The following PPARGC1A variants were observed in gnomAD, a reference collection of about 807,000 sequenced individuals.
The protein encoded by PPARGC1A is peroxisome proliferator-activated receptor gamma coactivator 1-alpha.
In PPARGC1A, 25 loss-of-function variants were observed where a neutral mutation model predicts 88.7. That is an observed-to-expected ratio of 0.28 (90% CI 0.21 to 0.39). The LOEUF (loss-of-function observed/expected upper bound fraction) is 0.39, where lower values mean the gene tolerates loss of function less well. Ranked by LOEUF, PPARGC1A falls within the 10% of genes least tolerant of loss-of-function variation. The pLI, the probability that PPARGC1A is intolerant of heterozygous loss-of-function variation, is 1.00. For missense variants in PPARGC1A, 880 were observed against 968.7 expected, an observed-to-expected ratio of 0.91 and a Z score of 1.22; for synonymous variants, 363 against 355.6, an observed-to-expected ratio of 1.02 and a Z score of -0.24.
chr4:23,910,885 C>G, the PPARGC1A span, among the ~76,000 whole-genome samples: 1 of 152,062 alleles, frequency 6.6e-6, no homozygotes, highest in African/African-American at 2.4e-5. Context: ...ATGTAACATG[C>G]AGGAAGGGTG....
At chr4:23,942,787 A>G in the PPARGC1A span, among the ~76,000 whole-genome samples, 866 of 152,234 alleles carry the variant, frequency 5.7e-3, 46 homozygotes, top group East Asian at 0.093. Context: ...TACATAAACA[A>G]TTTCTGTTTG....
the PPARGC1A span, among the ~76,000 whole-genome samples, chr4:23,931,816 T>C: frequency 2.6e-5 from 4 of 152,172 alleles, no homozygotes; most frequent in Non-Finnish European, 5.9e-5. Flanking sequence ...TGGGAAGCCA[T>C]GGAAGTTATG....
chr4:23,802,349 T>TG lies in PPARGC1A; in HGVS notation c.2020-5dup. The TG allele has an allele frequency of 1.9e-6, 3 of 1,613,686 alleles. No homozygotes were observed. Among genetic ancestry groups the TG allele is most frequent in the Admixed American group, 1.7e-5 (1 of 59,960 alleles). The stretch of plus-strand genomic sequence containing the variant: ...CATAAATCACACGGCGCTCTTCCTA[T>TG]GGGGGGAAGGAAGGAGAGAGTTCTG... On this transcript the variant is annotated splice_region_variant and splice_polypyrimidine_tract_variant and intron_variant, in intron 10 of 12. Transcript: ENST00000264867.
At chr4:24,385,085 T>G in the PPARGC1A span, among the ~76,000 whole-genome samples, 1 of 152,062 alleles carries the variant, frequency 6.6e-6, no homozygotes. Flanking sequence ...ATTAAGAAAC[T>G]CACCGAAAAC....
chr4:24,370,206 CA>C, the PPARGC1A span, among the ~76,000 whole-genome samples: 1 of 151,666 alleles, frequency 6.6e-6, no homozygotes, highest in African/African-American at 2.4e-5. Flanking sequence ...AAAATGGTAA[CA>C]AAATTTTTTC....
chr4:23,996,080 C>T, the PPARGC1A span, among the ~76,000 whole-genome samples: 30 of 152,090 alleles, frequency 2.0e-4, no homozygotes, highest in Admixed American at 3.3e-4. Context: ...AGTGAAAGGG[C>T]AATTCTTAGT....
the PPARGC1A span, among the ~76,000 whole-genome samples, chr4:24,331,971 T>A: frequency 4.6e-5 from 7 of 152,042 alleles, no homozygotes; most frequent in Middle Eastern, 6.8e-3. Context: ...TGTGTGACGT[T>A]CCCCTCCCTG....
At chr4:24,137,419 G>A in the PPARGC1A span, among the ~76,000 whole-genome samples, 1 of 152,120 alleles carries the variant, frequency 6.6e-6, no homozygotes, top group Non-Finnish European at 1.5e-5. Flanking sequence ...CTAAGACAGG[G>A]CATTAGGAAT....
At chr4:23,921,357 T>C in the PPARGC1A span, among the ~76,000 whole-genome samples, 1 of 152,180 alleles carries the variant, frequency 6.6e-6, no homozygotes, top group African/African-American at 2.4e-5. Context: ...CCGGAGAAAG[T>C]CTACCACAAA....
chr4:24,336,524 G>T, the PPARGC1A span, among the ~76,000 whole-genome samples: 2 of 152,202 alleles, frequency 1.3e-5, no homozygotes, highest in Middle Eastern at 3.4e-3. Context: ...AAATGTGTAT[G>T]CCTTTTATCC....
At chr4:24,381,867 G>A in the PPARGC1A span, among the ~76,000 whole-genome samples, 1 of 152,188 alleles carries the variant, frequency 6.6e-6, no homozygotes, top group African/African-American at 2.4e-5. Context: ...AGTTGAAGAA[G>A]TTTAGAAAGA....
At chr4:24,387,756 GAGAGAGAGAGAGAAAGAAAGAA>G in the PPARGC1A span, among the ~76,000 whole-genome samples, 1 of 77,934 alleles carries the variant, frequency 1.3e-5, no homozygotes, top group African/African-American at 5.4e-5. Context: ...AAGAGAGAGA[GAGAGAGAGAGAGAAAGAAAGAA>G]AGAAAGAAAG....
At chr4:24,384,583 G>T in the PPARGC1A span, among the ~76,000 whole-genome samples, 2 of 149,264 alleles carry the variant, frequency 1.3e-5, no homozygotes, top group East Asian at 3.9e-4. Context: ...AAAAAGCAAG[G>T]GTTGCAATCC....
chr4:24,161,959 TATACACACACACACAC>T, the PPARGC1A span, among the ~76,000 whole-genome samples: 3,468 of 118,814 alleles, frequency 0.029, 146 homozygotes, highest in African/African-American at 0.11. Flanking sequence ...GAAATTGTGA[TATACACACACACACAC>T]ACACACACAC....
chr4:24,124,432 A>C, the PPARGC1A span, among the ~76,000 whole-genome samples: 7 of 152,326 alleles, frequency 4.6e-5, no homozygotes, highest in South Asian at 1.2e-3. Flanking sequence ...CTCATCATAC[A>C]TTTTTAAAGT....
At position 23,880,954 on chromosome 4, in the gene PPARGC1A, A is replaced by T. The variant is rs190996160; in HGVS notation, c.234+3798T>A. ...GAAGTAACAGACGAATGAATGAAAG[A>T]TGCCCATTCAGTTGTATCATGGAGG... is the stretch of plus-strand genomic sequence containing the variant. On this transcript the variant is annotated intron_variant, in intron 2 of 12. Coordinates refer to ENST00000264867, the MANE Select transcript of PPARGC1A (RefSeq NM_013261.5). 10 of 152,342 alleles carry T rather than the reference A, an allele frequency of 6.6e-5. No homozygotes were observed. In the East Asian group the frequency reaches 1.9e-3, roughly 29 times the overall value. The allele number at this position is 152,342 out of a possible 1,614,324, so 9.4% of individuals were successfully genotyped here.
the PPARGC1A span, among the ~76,000 whole-genome samples, chr4:24,444,956 A>G: frequency 6.6e-6 from 1 of 151,920 alleles, no homozygotes; most frequent in African/African-American, 2.4e-5. Context: ...GGGAGGCTGA[A>G]GTGGGAGGAT....
At chr4:24,339,616 G>A in the PPARGC1A span, among the ~76,000 whole-genome samples, 1 of 152,092 alleles carries the variant, frequency 6.6e-6, no homozygotes, top group Non-Finnish European at 1.5e-5. Flanking sequence ...AATTACAGTC[G>A]GACCAGCTGT....
At chr4:23,943,799 A>G in the PPARGC1A span, among the ~76,000 whole-genome samples, 1 of 152,202 alleles carries the variant, frequency 6.6e-6, no homozygotes, top group Non-Finnish European at 1.5e-5. Flanking sequence ...TCTTGACATG[A>G]TATGTTGAGA....
Sources: gnomAD v4.1 joint callset for allele counts (sites outside exome capture counted in the v4.1 genomes callset) on GRCh38, gnomAD v4.1.1 for gene constraint, MANE v1.5 for transcripts, NCBI Gene and HGNC (gene_info 2026-07-23, HGNC 2026-07-21) for gene names.